Variants in CXCL13 observed in about 807,000 individuals in gnomAD.
The protein encoded by CXCL13 is C-X-C motif chemokine 13.
In CXCL13, 7 loss-of-function variants were observed where a neutral mutation model predicts 12.2. The observed-to-expected ratio is 0.57, with a 90% confidence interval of 0.33 to 1.07. The LOEUF is 1.07. Among genes scored for constraint, CXCL13 ranks in the 50% least tolerant of loss-of-function variants. The pLI is 0.04. For missense variants in CXCL13, 113 were observed against 127.4 expected (o/e 0.89, Z 0.55); for synonymous variants, 47 against 42.4 (o/e 1.11, Z -0.42).
At chr4:77,513,718 C>T (rs887359922) in intron 1 of CXCL13, among the ~76,000 whole-genome samples, 3 of 152,088 alleles carry the variant, frequency 2.0e-5, no homozygotes, top group African/African-American at 7.2e-5. Context: ...TCCCAAAATG[C>T]TGGGATTACA....
chr4:77,555,513 A>T (rs1297686211), intron 1 of CXCL13, among the ~76,000 whole-genome samples: 2 of 152,130 alleles, frequency 1.3e-5, no homozygotes, highest in Non-Finnish European at 2.9e-5. Flanking sequence ...TAAATGCAAG[A>T]CTAATTATAA....
intron 1 of CXCL13, among the ~76,000 whole-genome samples, chr4:77,530,728 C>G (rs993011312): frequency 6.6e-6 from 1 of 152,062 alleles, no homozygotes; most frequent in African/African-American, 2.4e-5. Context: ...AAAACCAGCT[C>G]CTGGATTCAT....
At chr4:77,595,778 G>A (rs1349424631) in intron 1 of CXCL13, among the ~76,000 whole-genome samples, 3 of 152,194 alleles carry the variant, frequency 2.0e-5, no homozygotes, top group South Asian at 2.1e-4. Context: ...CTGTGAGGAT[G>A]CTGTTCTGTC....
chr4:77,513,127 T>G (rs949967303), intron 1 of CXCL13, among the ~76,000 whole-genome samples: 3 of 152,118 alleles, frequency 2.0e-5, no homozygotes, highest in Non-Finnish European at 4.4e-5. Flanking sequence ...TTTATGGCTA[T>G]TCCATATACA....
At chr4:77,553,633 A>G (rs1725585163) in intron 1 of CXCL13, among the ~76,000 whole-genome samples, 1 of 152,120 alleles carries the variant, frequency 6.6e-6, no homozygotes, top group African/African-American at 2.4e-5. Context: ...GCCCCATGTC[A>G]TCACAGGGGC....
rs546512227 is a variant in CXCL13, at chr4:77,562,879, CTG to C, written c.-42-42943_-42-42942del. Among the ~76,000 whole-genome samples the C allele has an allele frequency of 6.6e-5, 10 of 152,270 alleles. No homozygotes were observed. The South Asian group carries it at 2.1e-3, about 32-fold the overall frequency. ...TCTGTAAAACACACCAATCAGCTCT[CTG>C]TAAAATGGATCAATCAGCAGGATGT... On this transcript the variant is annotated intron_variant, in intron 1 of 4. Transcript: ENST00000286758.
intron 1 of CXCL13, among the ~76,000 whole-genome samples, chr4:77,531,135 T>C (rs1724906462): frequency 1.3e-5 from 2 of 149,296 alleles, no homozygotes; most frequent in African/African-American, 4.9e-5. Flanking sequence ...ATTATTATCA[T>C]TATTATACTT....
intron 1 of CXCL13, among the ~76,000 whole-genome samples, chr4:77,543,561 C>G (rs1177592162): frequency 1.1e-4 from 16 of 152,146 alleles, no homozygotes; most frequent in Admixed American, 7.9e-4. Context: ...CTCTGTCCAT[C>G]TTTATTTATT....
At chr4:77,564,413 G>C (rs773169010) in intron 1 of CXCL13, among the ~76,000 whole-genome samples, 3 of 152,220 alleles carry the variant, frequency 2.0e-5, no homozygotes, top group Non-Finnish European at 4.4e-5. Flanking sequence ...AAGTTCAAGT[G>C]ACCCAGGAAA....
At chr4:77,515,488 A>G (rs181712299) in intron 1 of CXCL13, among the ~76,000 whole-genome samples, 1 of 152,326 alleles carries the variant, frequency 6.6e-6, no homozygotes, top group African/African-American at 2.4e-5. Context: ...TTCATTGAGC[A>G]GTGGTTTGTA....
chr4:77,528,129 A>G (rs1292130636), intron 1 of CXCL13, among the ~76,000 whole-genome samples: 2 of 152,180 alleles, frequency 1.3e-5, no homozygotes, highest in African/African-American at 2.4e-5. Context: ...TCATGGCTGC[A>G]TAGTATTCCA....
chr4:77,518,083 G>A (rs1413473135), intron 1 of CXCL13, among the ~76,000 whole-genome samples: 2 of 152,136 alleles, frequency 1.3e-5, no homozygotes, highest in Non-Finnish European at 1.5e-5. Flanking sequence ...TGAAATTCTG[G>A]GTTGAAAATT....
At chr4:77,516,102 G>A (rs960983339) in intron 1 of CXCL13, among the ~76,000 whole-genome samples, 1 of 152,112 alleles carries the variant, frequency 6.6e-6, no homozygotes, top group African/African-American at 2.4e-5. Context: ...TTATATGCTG[G>A]ATTACATTTA....
At chr4:77,532,580 T>A (rs1369286463) in intron 1 of CXCL13, among the ~76,000 whole-genome samples, 2 of 152,184 alleles carry the variant, frequency 1.3e-5, no homozygotes, top group East Asian at 1.9e-4. Flanking sequence ...TTCCTGAATT[T>A]GAATGTTGGC....
chr4:77,538,206 C>A (rs1219975497), intron 1 of CXCL13, among the ~76,000 whole-genome samples: 1 of 152,122 alleles, frequency 6.6e-6, no homozygotes, highest in Admixed American at 6.5e-5. Context: ...AGAGAGGAGG[C>A]AGGAAGGTGC....
chr4:77,550,977 AC>A (rs1725502195), intron 1 of CXCL13, among the ~76,000 whole-genome samples: 1 of 152,220 alleles, frequency 6.6e-6, no homozygotes, highest in African/African-American at 2.4e-5. Context: ...TGTTTACATA[AC>A]AAATCTTTCT....
At chr4:77,516,554 G>T (rs896573757) in intron 1 of CXCL13, among the ~76,000 whole-genome samples, 1 of 152,154 alleles carries the variant, frequency 6.6e-6, no homozygotes. Flanking sequence ...ATGTGTGGAG[G>T]AATTTATCCA....
intron 1 of CXCL13, among the ~76,000 whole-genome samples, chr4:77,586,485 T>C (rs1362774182): frequency 6.6e-6 from 1 of 152,142 alleles, no homozygotes; most frequent in African/African-American, 2.4e-5. Flanking sequence ...AATATGAACT[T>C]AAAGGGACCT....
At chr4:77,519,630 G>A (rs914742280) in intron 1 of CXCL13, among the ~76,000 whole-genome samples, 1 of 152,106 alleles carries the variant, frequency 6.6e-6, no homozygotes, top group African/African-American at 2.4e-5. Flanking sequence ...TGTCAGATGG[G>A]TCAATTGCAA....
Sources: allele counts gnomAD v4.1 joint callset (sites outside exome capture counted in the v4.1 genomes callset), GRCh38; gene constraint gnomAD v4.1.1; transcripts MANE v1.5; gene names NCBI Gene and HGNC (gene_info 2026-07-23, HGNC 2026-07-21).